TCF7L2: variants seen among roughly 807,000 people sequenced by gnomAD.
The protein encoded by TCF7L2 is transcription factor 7 like 2.
TCF7L2 carries 23 observed loss-of-function variants against 77.9 expected under a neutral mutation model. The ratio of observed to expected loss-of-function variants is 0.30; its 90% CI spans 0.21 to 0.42. The LOEUF is 0.42. TCF7L2 is among the 10% of genes least tolerant of loss of function. The pLI is 1.00. For synonymous variants in TCF7L2, 413 were observed against 340.2 expected (o/e 1.21, Z -2.36); for missense variants, 654 against 793.1 (o/e 0.82, Z 2.11).
chr10:113,155,484 A>T (rs1368495296), intron 11 of TCF7L2, among the ~76,000 whole-genome samples: 1 of 152,092 alleles, frequency 6.6e-6, no homozygotes, highest in South Asian at 2.1e-4. Flanking sequence ...TCTTCTTTTT[A>T]TTAAAACACA....
At chr10:113,165,529 C>T (rs2137643171) in intron 13 of TCF7L2, 26 bp from the exon 15 acceptor site, 1 of 1,611,694 alleles carries the variant, frequency 6.2e-7, no homozygotes, top group Non-Finnish European at 8.5e-7. Context: ...CCTCTATTCA[C>T]AGATAACTCT....
At chr10:113,147,972 A>G (rs1346381016) in intron 8 of TCF7L2, among the ~76,000 whole-genome samples, 1 of 152,192 alleles carries the variant, frequency 6.6e-6, no homozygotes, top group Non-Finnish European at 1.5e-5. Context: ...GTTAAAAAGC[A>G]TATACAGCAA....
At chr10:113,031,952 AAG>A (rs2050296706) in intron 4 of TCF7L2, among the ~76,000 whole-genome samples, 1 of 152,202 alleles carries the variant, frequency 6.6e-6, no homozygotes, top group South Asian at 2.1e-4. Context: ...TTGGAGTAGA[AAG>A]AGTTTTAGAT....
intron 5 of TCF7L2, among the ~76,000 whole-genome samples, chr10:113,063,438 C>T (rs529356348): frequency 3.3e-5 from 5 of 152,210 alleles, no homozygotes; most frequent in African/African-American, 1.2e-4. Context: ...TGGCATTTTA[C>T]AGTGCTGGTG....
chr10:113,100,408 C>T (rs532052310), intron 5 of TCF7L2, among the ~76,000 whole-genome samples: 14 of 152,312 alleles, frequency 9.2e-5, no homozygotes, highest in Non-Finnish European at 1.8e-4. Flanking sequence ...CAGCTCTGCT[C>T]TGAATGTGTT....
intron 4 of TCF7L2, among the ~76,000 whole-genome samples, chr10:112,990,260 G>C (rs1014301855): frequency 3.3e-5 from 5 of 152,052 alleles, no homozygotes; most frequent in Non-Finnish European, 5.9e-5. Flanking sequence ...TTTTCCTGTT[G>C]CTTGGAGGGT....
At chr10:112,988,275 T>C (rs925314838) in intron 4 of TCF7L2, among the ~76,000 whole-genome samples, 5 of 151,980 alleles carry the variant, frequency 3.3e-5, no homozygotes, top group African/African-American at 1.2e-4. Context: ...TTTTTAGTAT[T>C]TTTAGTAGTG....
chr10:113,060,188 C>A (rs1277766642), intron 5 of TCF7L2, among the ~76,000 whole-genome samples: 1 of 152,152 alleles, frequency 6.6e-6, no homozygotes, highest in African/African-American at 2.4e-5. Context: ...CATAAAAATG[C>A]ATTTAGTGAT....
intron 4 of TCF7L2, among the ~76,000 whole-genome samples, chr10:113,022,557 T>C (rs887010107): frequency 6.6e-6 from 1 of 152,186 alleles, no homozygotes; most frequent in Non-Finnish European, 1.5e-5. Context: ...TAGCCTAAAG[T>C]GTTCATTTCC....
At chr10:113,082,631 G>A (rs72828111) in intron 5 of TCF7L2, among the ~76,000 whole-genome samples, 37,499 of 151,706 alleles carry the variant, frequency 0.25, 4,805 homozygotes, top group South Asian at 0.33. Context: ...ACGTGCACAC[G>A]CACATGCATG....
intron 3 of TCF7L2, among the ~76,000 whole-genome samples, chr10:112,954,115 G>C (rs1400511471): frequency 6.6e-6 from 1 of 152,228 alleles, no homozygotes; most frequent in Non-Finnish European, 1.5e-5. Context: ...ACAGCTGCGG[G>C]AGGAATGGAG....
At chr10:112,964,499 T>C in intron 3 of TCF7L2, 57 bp from the exon 4 acceptor site, 2 of 1,519,390 alleles carry the variant, frequency 1.3e-6, no homozygotes, top group Non-Finnish European at 1.8e-6. Flanking sequence ...CTGCTTAAGA[T>C]GTTTTCTTGT....
At chr10:112,982,566 C>T (rs939534716) in intron 4 of TCF7L2, among the ~76,000 whole-genome samples, 3 of 152,084 alleles carry the variant, frequency 2.0e-5, no homozygotes, top group Non-Finnish European at 2.9e-5. Context: ...TACCTCATAG[C>T]GGAATCTGGA....
intron 5 of TCF7L2, among the ~76,000 whole-genome samples, chr10:113,052,677 C>G (rs957289286): frequency 6.6e-6 from 1 of 152,196 alleles, no homozygotes; most frequent in Non-Finnish European, 1.5e-5. Flanking sequence ...TCTTTGCTCT[C>G]CATGACCCAT....
chr10:112,991,335 C>G (rs928952922), intron 4 of TCF7L2, among the ~76,000 whole-genome samples: 2 of 152,014 alleles, frequency 1.3e-5, no homozygotes, highest in African/African-American at 4.8e-5. Flanking sequence ...CGAAACCATC[C>G]TGGCTAACAC....
At chr10:113,090,566 T>A (rs1368132312) in intron 5 of TCF7L2, among the ~76,000 whole-genome samples, 2 of 152,184 alleles carry the variant, frequency 1.3e-5, no homozygotes, top group African/African-American at 4.8e-5. Flanking sequence ...ACTGTAAAAA[T>A]ACATAAAGAA....
At chr10:113,126,899 C>T in intron 5 of TCF7L2, 2 of 985,276 alleles carry the variant, frequency 2.0e-6, no homozygotes, top group Non-Finnish European at 2.4e-6. Context: ...CGGCCGGCGG[C>T]GGGCGGGCGG....
At chr10:113,118,070 A>G (rs574299136) in intron 5 of TCF7L2, among the ~76,000 whole-genome samples, 52 of 150,758 alleles carry the variant, frequency 3.4e-4, no homozygotes, top group Middle Eastern at 3.2e-3. Context: ...TCCATTTCCA[A>G]CCATTTCCAG....
intron 4 of TCF7L2, among the ~76,000 whole-genome samples, chr10:113,032,362 T>A (rs2050386636): frequency 6.6e-6 from 1 of 152,250 alleles, no homozygotes; most frequent in Non-Finnish European, 1.5e-5. Flanking sequence ...CAAGTTTTGT[T>A]AATTGGATTT....
Sources: allele counts gnomAD v4.1 joint callset (sites outside exome capture counted in the v4.1 genomes callset), GRCh38; gene constraint gnomAD v4.1.1; transcripts MANE v1.5; gene names NCBI Gene and HGNC (gene_info 2026-07-23, HGNC 2026-07-21).